The following FMN2 variants were observed in gnomAD, a reference collection of about 807,000 sequenced individuals.
FMN2 encodes the protein formin-2.
A neutral mutation model predicts 142.3 loss-of-function variants in FMN2; 51 were observed. The ratio of observed to expected loss-of-function variants is 0.36; its 90% CI spans 0.29 to 0.45. The LOEUF (loss-of-function observed/expected upper bound fraction) is 0.45. Ranked by LOEUF, FMN2 falls within the 20% of genes least tolerant of loss-of-function variation. FMN2 has a pLI of 1.00. For missense variants in FMN2, 1,936 were observed against 2,122.8 expected, an observed-to-expected ratio of 0.91 and a Z score of 1.73; for synonymous variants, 882 against 869.8, an observed-to-expected ratio of 1.01 and a Z score of -0.25.
At chr1:240,121,580 G>T (rs1258331683) in intron 1 of FMN2, among the ~76,000 whole-genome samples, 3 of 149,934 alleles carry the variant, frequency 2.0e-5, no homozygotes, top group African/African-American at 7.3e-5. Context: ...TAGTAGAGAC[G>T]GGGTTTCACC....
intron 6 of FMN2, among the ~76,000 whole-genome samples, chr1:240,222,925 A>G (rs1359357623): frequency 6.6e-6 from 1 of 152,236 alleles, no homozygotes; most frequent in Non-Finnish European, 1.5e-5. Flanking sequence ...ATATACAATC[A>G]TGTCATCTGC....
intron 15 of FMN2, among the ~76,000 whole-genome samples, chr1:240,432,413 G>A (rs1675208470): frequency 6.6e-6 from 1 of 151,784 alleles, no homozygotes; most frequent in East Asian, 1.9e-4. Flanking sequence ...GTCTGGGTAG[G>A]GGTTTATCAA....
In FMN2 at chr1:240,304,878, T is replaced by G. The variant is rs556485612; in HGVS notation, c.4215+9995T>G. 7.5e-4 allele frequency among the ~76,000 whole-genome samples: 114 copies of G among 152,294 alleles called. 1 individual carries two copies. The highest frequency in any genetic ancestry group is 2.5e-3 in the African/African-American group (105 of 41,578). On this transcript the variant is annotated intron_variant, in intron 8 of 17. Transcript: ENST00000319653. ...CTGCTGATCTGCTAAGAGCTGACAT[T>G]GACTAAAATTAACTGTAATTTAAGC...
Position 240,416,931 on chromosome 1 carries a change from C to T in FMN2, c.4911-21130C>T, listed in dbSNP as rs558241332. On this transcript the variant is annotated intron_variant, in intron 15 of 17. Transcript: ENST00000319653. ...TCATATACTCAGAGCTCTAGCTTTG[C>T]CATTAAGTTCACTTTAACAATATCC... Among the ~76,000 whole-genome samples the T allele has an allele frequency of 4.0e-5, 6 of 151,674 alleles. No individual in the cohort carries two copies. The East Asian group carries it at 1.2e-3, about 29-fold the overall frequency.
intron 15 of FMN2, among the ~76,000 whole-genome samples, chr1:240,403,034 C>A (rs1449114594): frequency 2.6e-5 from 4 of 152,180 alleles, no homozygotes; most frequent in Admixed American, 6.5e-5. Flanking sequence ...TAATTTAATT[C>A]TGGCATCAAT....
intron 16 of FMN2, among the ~76,000 whole-genome samples, chr1:240,459,621 G>A (rs961811270): frequency 1.6e-4 from 24 of 150,042 alleles, no homozygotes; most frequent in Admixed American, 8.7e-4. Context: ...GGAGGCTGAG[G>A]CAGAAGAATC....
At chr1:240,200,433 A>G (rs1456686012) in intron 4 of FMN2, among the ~76,000 whole-genome samples, 1 of 152,148 alleles carries the variant, frequency 6.6e-6, no homozygotes, top group Non-Finnish European at 1.5e-5. Flanking sequence ...GACTTTCTGA[A>G]CTGGTACTCT....
chr1:240,098,116 T>TTTTTTTTTTTTTTTTTTTG (rs1661283149), intron 1 of FMN2, among the ~76,000 whole-genome samples: 1 of 143,576 alleles, frequency 7.0e-6, no homozygotes, highest in South Asian at 2.3e-4. Flanking sequence ...TTTTTTTTTT[T>TTTTTTTTTTTTTTTTTTTG]TTGGAGACAG....
intron 2 of FMN2, among the ~76,000 whole-genome samples, chr1:240,150,163 A>C (rs1438154253): frequency 6.6e-6 from 1 of 152,232 alleles, no homozygotes; most frequent in Non-Finnish European, 1.5e-5. Context: ...ATTAACCCTT[A>C]TTGAAATATG....
At chr1:240,185,002 C>CT (rs1396430911) in intron 3 of FMN2, among the ~76,000 whole-genome samples, 4 of 147,820 alleles carry the variant, frequency 2.7e-5, no homozygotes, top group African/African-American at 7.5e-5. Context: ...CCTCCTATAC[C>CT]TTCCCCTTCT....
intron 6 of FMN2, among the ~76,000 whole-genome samples, chr1:240,242,766 A>G (rs1667954113): frequency 1.3e-5 from 2 of 152,190 alleles, no homozygotes; most frequent in African/African-American, 2.4e-5. Context: ...CACCCACACT[A>G]TAGCTTGATC....
chr1:240,138,609 A>G (rs2103247974), intron 2 of FMN2, among the ~76,000 whole-genome samples: 1 of 152,092 alleles, frequency 6.6e-6, no homozygotes, highest in Admixed American at 6.5e-5. Context: ...TGGGAGGCTG[A>G]GGCAAGAGAA....
chr1:240,439,527 G>A (rs1450227865), intron 16 of FMN2, among the ~76,000 whole-genome samples: 1 of 152,068 alleles, frequency 6.6e-6, no homozygotes, highest in Non-Finnish European at 1.5e-5. Context: ...AGATTCCATA[G>A]GTCTGTCATA....
At chr1:240,234,514 G>A (rs1167884001) in intron 6 of FMN2, among the ~76,000 whole-genome samples, 1 of 152,178 alleles carries the variant, frequency 6.6e-6, no homozygotes, top group Non-Finnish European at 1.5e-5. Flanking sequence ...AATCCAGTCT[G>A]AGTTTGCATG....
intron 2 of FMN2, among the ~76,000 whole-genome samples, chr1:240,172,632 C>T (rs1302792360): frequency 2.0e-5 from 3 of 152,136 alleles, no homozygotes; most frequent in African/African-American, 7.2e-5. Context: ...AATATTGAGG[C>T]TCCAAAAGGT....
At chr1:240,421,777 T>C (rs557659456) in intron 15 of FMN2, among the ~76,000 whole-genome samples, 1 of 152,134 alleles carries the variant, frequency 6.6e-6, no homozygotes, top group East Asian at 1.9e-4. Flanking sequence ...TTTACACTCC[T>C]GTCAGATCCT....
intron 8 of FMN2, among the ~76,000 whole-genome samples, chr1:240,322,982 G>A (rs1243517261): frequency 2.0e-5 from 3 of 151,524 alleles, no homozygotes; most frequent in East Asian, 1.9e-4. Context: ...CTGATCTTCC[G>A]CCATCCCCAA....
At chr1:240,329,697 T>C (rs1355500775) in intron 10 of FMN2, among the ~76,000 whole-genome samples, 1 of 152,210 alleles carries the variant, frequency 6.6e-6, no homozygotes, top group Non-Finnish European at 1.5e-5. Context: ...CCAATACATG[T>C]TGGCCTCCAG....
At position 240,391,323 on chromosome 1, in the gene FMN2, C is replaced by T. The variant is rs999309466; in HGVS notation, c.4859-1188C>T. Reference sequence around the variant, plus strand: ...ATGCAAACCTTTGAAAGAACACTGTCTTGAGGCTGTAAAACATGAACTAGC... The same window carrying T: ...ATGCAAACCTTTGAAAGAACACTGTTTTGAGGCTGTAAAACATGAACTAGC... On this transcript the variant is annotated intron_variant, in intron 14 of 17. Coordinates refer to ENST00000319653, the MANE Select transcript of FMN2 (RefSeq NM_020066.5). Among the ~76,000 whole-genome samples the T allele has an allele frequency of 6.6e-5, 10 of 152,282 alleles. No homozygotes were observed. In the East Asian group the frequency reaches 1.4e-3, roughly 21 times the overall value.
Sources: allele counts gnomAD v4.1 joint callset (sites outside exome capture counted in the v4.1 genomes callset), GRCh38; gene constraint gnomAD v4.1.1; transcripts MANE v1.5; gene names NCBI Gene and HGNC (gene_info 2026-07-23, HGNC 2026-07-21).